The following MAPK14 variants were observed in gnomAD, a reference collection of about 807,000 sequenced individuals.
The protein encoded by MAPK14 is mitogen-activated protein kinase 14.
A neutral mutation model predicts 49.6 loss-of-function variants in MAPK14; 16 were observed. The ratio of observed to expected loss-of-function variants is 0.32; its 90% CI spans 0.22 to 0.49. The LOEUF is 0.49. Among genes scored for constraint, MAPK14 ranks in the 20% least tolerant of loss-of-function variants. The pLI, the probability that MAPK14 is intolerant of heterozygous loss-of-function variation, is 0.99. For synonymous variants in MAPK14, 142 were observed against 158.0 expected (o/e 0.90, Z 0.76); for missense variants, 200 against 441.2 (o/e 0.45, Z 4.90).
intron 6 of MAPK14, 138 bp downstream of exon 6, chr6:36,074,234 A>G: frequency 1.7e-6 from 1 of 586,052 alleles, no homozygotes; most frequent in Non-Finnish European, 3.0e-6. Context: ...TCAGACTTTG[A>G]AATTTAAACC....
Position 36,102,657 on chromosome 6 carries a change from G to T in MAPK14, c.841+8G>T. ...TTGGTGCCAATCCCCTGGGTAAGTT[G>T]ACCATATATCCTCACCTCATGGATA... On this transcript the variant is annotated splice_region_variant and intron_variant, in intron 10 of 11. Transcript: ENST00000229794. The T allele has an allele frequency of 6.2e-7, 1 of 1,613,332 alleles. No homozygotes were observed.
chr6:36,038,014 GA>G (rs1021336051), intron 1 of MAPK14, among the ~76,000 whole-genome samples: 11 of 141,256 alleles, frequency 7.8e-5, no homozygotes, highest in Non-Finnish European at 1.2e-4. Flanking sequence ...TCTCCAAAAA[GA>G]AAAAAAAAAG....
At chr6:36,099,034 C>T (rs1765543998) in intron 9 of MAPK14, among the ~76,000 whole-genome samples, 1 of 152,208 alleles carries the variant, frequency 6.6e-6, no homozygotes. Flanking sequence ...CTCTAGCTCC[C>T]TCCCTGTGGC....
chr6:36,103,370 C>T (rs1360898227), intron 10 of MAPK14, among the ~76,000 whole-genome samples: 2 of 151,594 alleles, frequency 1.3e-5, no homozygotes, highest in East Asian at 1.9e-4. Flanking sequence ...GTCAGGGTCT[C>T]GCTCTTTTAC....
At chr6:36,101,618 A>T (rs1405243948) in intron 9 of MAPK14, among the ~76,000 whole-genome samples, 1 of 151,868 alleles carries the variant, frequency 6.6e-6, no homozygotes, top group Non-Finnish European at 1.5e-5. Context: ...TGCTCAAGCG[A>T]TCCTGTTACC....
rs548246757 is a variant in MAPK14 at position 36,077,599 on chromosome 6, C to T, written c.682+991C>T. On this transcript the variant is annotated intron_variant, in intron 8 of 11. Transcript: ENST00000229794. ...TGGCTATGATGTTCATGATATCTAC[C>T]CACGTGTTCTAACTATCTTCTGCTA... Among the ~76,000 whole-genome samples, 19 of 152,036 alleles carry T rather than the reference C, an allele frequency of 1.2e-4. No homozygotes were observed. The South Asian group carries it at 3.3e-3, about 27-fold the overall frequency.
chr6:36,059,907 A>C (rs1458430528), intron 3 of MAPK14, among the ~76,000 whole-genome samples: 1 of 152,134 alleles, frequency 6.6e-6, no homozygotes, highest in Non-Finnish European at 1.5e-5. Flanking sequence ...TGCATGTGGG[A>C]GATGATACTA....
chr6:36,091,742 T>A (rs1367050667), intron 8 of MAPK14, among the ~76,000 whole-genome samples: 1 of 152,204 alleles, frequency 6.6e-6, no homozygotes, highest in Non-Finnish European at 1.5e-5. Flanking sequence ...TTTTATTTTA[T>A]GTTGTGTGTT....
intron 1 of MAPK14, among the ~76,000 whole-genome samples, chr6:36,042,427 TC>T (rs1410424491): frequency 6.6e-6 from 1 of 151,878 alleles, no homozygotes; most frequent in African/African-American, 2.4e-5. Flanking sequence ...ATTTCTTAGT[TC>T]CTTGAGGTCA....
chr6:36,122,499 G>A, the MAPK14 span, among the ~76,000 whole-genome samples: 2 of 152,310 alleles, frequency 1.3e-5, no homozygotes, highest in South Asian at 2.1e-4. Flanking sequence ...GCCAGTCACC[G>A]GCTGCCAGGC....
chr6:36,123,965 T>G, the MAPK14 span, among the ~76,000 whole-genome samples: 1 of 151,466 alleles, frequency 6.6e-6, no homozygotes, highest in Non-Finnish European at 1.5e-5. Flanking sequence ...GAAGGCTGGC[T>G]GAGAGGTGCC....
intron 1 of MAPK14, among the ~76,000 whole-genome samples, chr6:36,033,340 G>A (rs1433160924): frequency 4.7e-5 from 7 of 147,392 alleles, no homozygotes; most frequent in South Asian, 4.3e-4. Context: ...TTTTTGAGAC[G>A]GAGTCTTGCT....
At chr6:36,096,188 G>A (rs945689477) in intron 9 of MAPK14, 122 bp downstream of exon 9, 7 of 671,114 alleles carry the variant, frequency 1.0e-5, no homozygotes, top group Admixed American at 5.0e-5. Context: ...CTGACTTCCC[G>A]GATGAGTGAG....
intron 10 of MAPK14, among the ~76,000 whole-genome samples, chr6:36,103,320 T>A (rs1183338643): frequency 7.5e-6 from 1 of 132,970 alleles, no homozygotes; most frequent in Non-Finnish European, 1.7e-5. Flanking sequence ...TGCTTTATTA[T>A]TATTATTTAT....
intron 1 of MAPK14, among the ~76,000 whole-genome samples, chr6:36,048,322 C>T (rs1353989281): frequency 1.3e-5 from 2 of 152,172 alleles, no homozygotes; most frequent in South Asian, 4.1e-4. Context: ...GGATTACAGG[C>T]GTGAGCCACT....
chr6:36,075,593 C>T (rs748757189), intron 6 of MAPK14, among the ~76,000 whole-genome samples: 25 of 152,066 alleles, frequency 1.6e-4, no homozygotes, highest in Non-Finnish European at 2.9e-4. Context: ...TTTGTATGGA[C>T]GTAAGTTCTC....
chr6:36,112,161 A>G (rs1294125167), downstream of MAPK14, among the ~76,000 whole-genome samples: 2 of 151,956 alleles, frequency 1.3e-5, no homozygotes, highest in Admixed American at 1.3e-4. Context: ...AGCCAAGATC[A>G]TGCCACTGCA....
downstream of MAPK14, among the ~76,000 whole-genome samples, chr6:36,114,766 GTAAAT>G (rs1278070811): frequency 6.6e-6 from 1 of 152,132 alleles, no homozygotes; most frequent in East Asian, 1.9e-4. Context: ...AGTAGGTTGA[GTAAAT>G]TAAGTTATCC....
At chr6:36,042,949 T>G (rs1481368699) in intron 1 of MAPK14, among the ~76,000 whole-genome samples, 2 of 151,884 alleles carry the variant, frequency 1.3e-5, no homozygotes, top group African/African-American at 4.8e-5. Context: ...TGGTGAAACT[T>G]TGTCTCTACC....
Sources: gnomAD v4.1 joint callset for allele counts (sites outside exome capture counted in the v4.1 genomes callset) on GRCh38, gnomAD v4.1.1 for gene constraint, MANE v1.5 for transcripts, NCBI Gene and HGNC (gene_info 2026-07-23, HGNC 2026-07-21) for gene names.